Variants in WBP4 observed in about 807,000 individuals in gnomAD.
WBP4 encodes WW domain-binding protein 4.
In WBP4, 37 loss-of-function variants were observed where a neutral mutation model predicts 55.4. That is an observed-to-expected ratio of 0.67 (90% CI 0.51 to 0.88). The LOEUF (loss-of-function observed/expected upper bound fraction) is 0.88, where lower values mean the gene tolerates loss of function less well. WBP4 is among the 40% of genes least tolerant of loss of function. The probability of loss-of-function intolerance (pLI) is 0.00; values close to 1 mark genes in which losing one functional copy is unlikely to be tolerated. For missense variants in WBP4, 398 were observed against 420.8 expected, an observed-to-expected ratio of 0.95 and a Z score of 0.47; for synonymous variants, 142 against 140.2, an observed-to-expected ratio of 1.01 and a Z score of -0.09.
rs760308349 is a variant in WBP4 at position 41,080,743 on chromosome 13, C to T, written c.854C>T (p.Ser285Leu). The T allele has an allele frequency of 8.1e-6, 13 of 1,606,922 alleles. No homozygotes were observed. The highest frequency in any genetic ancestry group is 3.5e-5 in the Admixed American group (2 of 57,936). ...TCATTAGGTTCAAATGAAGAAAAAT[C>T]GAAAACTCTTAAGAAATCAAACCCA... Reference protein sequence around the residue: ...QNSLGSNEEKSKTLKKSNPYG... With the variant: ...QNSLGSNEEKLKTLKKSNPYG... The change falls in exon 9 of 10, where the codon TCG becomes TTG. Residue 285 changes from serine to leucine, a missense_variant. Ser to Leu is a moderately radical substitution (Grantham distance 145). Coordinates refer to ENST00000379487, the MANE Select transcript of WBP4 (RefSeq NM_007187.5).
chr13:41,063,832 A>G (rs987078057), intron 2 of WBP4, among the ~76,000 whole-genome samples: 1 of 152,202 alleles, frequency 6.6e-6, no homozygotes, highest in East Asian at 1.9e-4. Context: ...TCTGCTTTAC[A>G]AAGTCACACT....
At chr13:41,082,115 G>A (rs572126502) in intron 9 of WBP4, among the ~76,000 whole-genome samples, 1 of 152,260 alleles carries the variant, frequency 6.6e-6, no homozygotes, top group African/African-American at 2.4e-5. Context: ...TGAAGGGCTA[G>A]TTCTTAGCAA....
intron 9 of WBP4, 87 bp from the exon 10 acceptor site, chr13:41,082,617 A>AT: frequency 8.0e-7 from 1 of 1,244,868 alleles, no homozygotes; most frequent in African/African-American, 1.5e-5. Flanking sequence ...TTCTAATGTC[A>AT]TTAGAAAGCT....
chr13:41,065,097 T>C lies in WBP4; in HGVS notation c.138+19T>C, dbSNP rs1877894026. The C allele has an allele frequency of 2.5e-6, 4 of 1,600,746 alleles. No individual in the cohort carries two copies. The highest frequency in any genetic ancestry group is 1.7e-4 in the Middle Eastern group (1 of 6,020). On this transcript the variant is annotated intron_variant, in intron 3 of 9. Transcript: ENST00000379487. ...CAGTGAGGTAATTTAGATTGTTTAT[T>C]TGCTAATTTTTCTATGCAAATGTCA...
Position 41,062,653 on chromosome 13 carries a change from C to G in WBP4, c.12C>G (p.Tyr4Ter). ...TGTCTCTCTTTTTCAGGGCGGACTA[C>G]TGGAAGTCACAGCCAAAGAAATTCT... The part of the protein sequence containing the change: MAD[Y>*]WKSQPKKFCD... Residue 4 changes from tyrosine to a stop codon, truncating the protein, a stop_gained, in exon 2 of 10, where the codon TAC becomes TAG. Transcript: ENST00000379487. LOFTEE classifies it high-confidence loss of function. 1 of 1,613,774 alleles carries G rather than the reference C, an allele frequency of 6.2e-7. No homozygotes were observed. The highest frequency in any genetic ancestry group is 8.5e-7 in the Non-Finnish European group (1 of 1,179,816).
At position 41,061,677 on chromosome 13, in the gene WBP4, T is replaced by C; in HGVS notation, c.2+2T>C. 6.2e-7 allele frequency: 1 copy of C among 1,614,106 alleles called. No homozygotes were observed. The highest frequency in any genetic ancestry group is 1.3e-5 in the African/African-American group (1 of 75,066). ...TTGCAGAGCGGCTGGCGCAGTCATG[T>C]GAGTTGGGTCTCAGGCCCTGAACAA... On this transcript the variant is annotated splice_donor_variant, in intron 1 of 9. Transcript: ENST00000379487. LOFTEE classifies it high-confidence loss of function.
chr13:41,080,582 A>G, intron 8 of WBP4, 64 bp from the exon 9 acceptor site: 2 of 1,295,952 alleles, frequency 1.5e-6, no homozygotes, highest in Non-Finnish European at 1.1e-6. Flanking sequence ...TAAAAGCCTT[A>G]AATTTTATTT....
chr13:41,076,155 C>G lies in WBP4; in HGVS notation c.674C>G (p.Ser225Trp). 1 of 1,612,232 alleles carries G rather than the reference C, an allele frequency of 6.2e-7. No individual in the cohort carries two copies. The highest frequency in any genetic ancestry group is 8.5e-7 in the Non-Finnish European group (1 of 1,179,864). The stretch of plus-strand genomic sequence containing the variant: ...CTAGATGAATCCAAATCATCAGATT[C>G]GCATAGTGATTCTGATGGGGAACAG... The part of the protein sequence containing the change: ...GTLDESKSSD[S>W]HSDSDGEQEA... Residue 225 changes from serine to tryptophan, a missense_variant, in exon 8 of 10, where the codon TCG (serine) becomes TGG (tryptophan). Physicochemically the swap from Ser to Trp is radical, Grantham distance 177 (BLOSUM62 -3). Transcript: ENST00000379487.
At chr13:41,070,370 T>C (rs551635683) in intron 5 of WBP4, among the ~76,000 whole-genome samples, 2 of 152,014 alleles carry the variant, frequency 1.3e-5, no homozygotes, top group East Asian at 1.9e-4. Context: ...CACAGAACAA[T>C]ATGAACCCCA....
At chr13:41,072,650 T>G in intron 6 of WBP4, 132 bp from the exon 7 acceptor site, 1 of 690,608 alleles carries the variant, frequency 1.4e-6, no homozygotes, top group South Asian at 1.9e-5. Context: ...ACATGAGATT[T>G]GGGTGGGGAT....
rs746905280 is a variant in WBP4, at chr13:41,068,601, C to T, written c.303C>T (p.Ile101=). The T allele has an allele frequency of 2.2e-5, 35 of 1,612,728 alleles. No individual in the cohort carries two copies. The African/African-American group carries it at 4.4e-4, about 20-fold the overall frequency. The change falls in exon 5 of 10, where the codon ATC becomes ATT. Residue 101 remains isoleucine, a synonymous_variant. Transcript: ENST00000379487. ...GCATAACACCAGTAACCAGCACTAT[C>T]CCACCTACCTCGACATCAAATCAAC... ...EPSITPVTST[I]PPTSTSNQQK...
Position 41,081,454 on chromosome 13 carries a change from C to T in WBP4, c.920+645C>T, listed in dbSNP as rs377651573. Among the ~76,000 whole-genome samples, 90 of 139,508 alleles carry T rather than the reference C, an allele frequency of 6.5e-4. 1 individual carries two copies. The highest frequency in any genetic ancestry group is 2.4e-3 in the African/African-American group (90 of 36,774). The allele number at this position is 139,508 out of a possible 152,430, so 91.5% of individuals were successfully genotyped here. On this transcript the variant is annotated intron_variant, in intron 9 of 9. Transcript: ENST00000379487. ...TTGAGACTGCAGTGAGCCATGTTCA[C>T]ACCACTTCACTCCAGCCTGGGCAAC...
At chr13:41,061,796 A>T in intron 1 of WBP4, 121 bp downstream of exon 1, 2 of 1,513,402 alleles carry the variant, frequency 1.3e-6, no homozygotes, top group Non-Finnish European at 1.8e-6. Flanking sequence ...ACGCGTTCTT[A>T]ACTCGCTCGG....
intron 9 of WBP4, 89 bp downstream of exon 9, chr13:41,080,898 T>C: frequency 7.3e-7 from 1 of 1,379,088 alleles, no homozygotes; most frequent in South Asian, 1.3e-5. Flanking sequence ...ATTTCAAGGA[T>C]GCTGTGCTTA....
chr13:41,082,272 C>A (rs1188624849), intron 9 of WBP4, among the ~76,000 whole-genome samples: 1 of 151,978 alleles, frequency 6.6e-6, no homozygotes, highest in Admixed American at 6.6e-5. Context: ...GACACCATGC[C>A]CAGATAATTT....
intron 4 of WBP4, among the ~76,000 whole-genome samples, chr13:41,066,051 A>G (rs1314808058): frequency 1.3e-5 from 2 of 152,208 alleles, no homozygotes; most frequent in African/African-American, 4.8e-5. Flanking sequence ...AAATAAGAAC[A>G]GTTGTAGCCA....
intron 8 of WBP4, 31 bp downstream of exon 8, chr13:41,076,268 A>ATT: frequency 2.3e-6 from 3 of 1,321,306 alleles, no homozygotes; most frequent in East Asian, 3.0e-5. Flanking sequence ...CTTCACATCA[A>ATT]ATTTTTTTTT....
At chr13:41,065,798 C>T (rs910396957) in intron 4 of WBP4, among the ~76,000 whole-genome samples, 4 of 152,126 alleles carry the variant, frequency 2.6e-5, no homozygotes, top group Admixed American at 1.3e-4. Context: ...AGATGAAAGA[C>T]CTTATTTAAC....
chr13:41,061,584 T>A lies in WBP4; in HGVS notation c.-90T>A. ...GATCGGAGGGAGGTTCGGGTGGGCATCGGGCGGCTGGAAGAGCTCGACTCG... is the reference window on the plus strand; with the variant it reads ...GATCGGAGGGAGGTTCGGGTGGGCAACGGGCGGCTGGAAGAGCTCGACTCG... On this transcript the variant is annotated 5_prime_UTR_variant, in exon 1 of 10. Transcript: ENST00000379487. 1.2e-6 allele frequency: 2 copies of A among 1,606,222 alleles called. No individual in the cohort carries two copies. Among genetic ancestry groups the A allele is most frequent in the Non-Finnish European group, 1.7e-6 (2 of 1,174,704 alleles).
Sources: allele counts gnomAD v4.1 joint callset (sites outside exome capture counted in the v4.1 genomes callset), GRCh38; gene constraint gnomAD v4.1.1; transcripts MANE v1.5; gene names NCBI Gene and HGNC (gene_info 2026-07-23, HGNC 2026-07-21).